The following CUBN variants were observed in gnomAD, a reference collection of about 807,000 sequenced individuals.
The protein encoded by CUBN is cubilin.
Under a neutral mutation model 405.3 loss-of-function variants are expected in CUBN, and 282 were observed. That is an observed-to-expected ratio of 0.70 (90% CI 0.63 to 0.77). The LOEUF (loss-of-function observed/expected upper bound fraction) is 0.77, where lower values mean the gene tolerates loss of function less well. Ranked by LOEUF, CUBN falls within the 30% of genes least tolerant of loss-of-function variation. CUBN has a pLI of 0.00. For synonymous variants in CUBN, 1,684 were observed against 1,617.0 expected, an observed-to-expected ratio of 1.04 and a Z score of -0.99; for missense variants, 4,514 against 4,475.2, an observed-to-expected ratio of 1.01 and a Z score of -0.25.
chr10:17,084,333 G>C lies in CUBN; in HGVS notation c.2239C>G (p.Gln747Glu). 1 of 1,614,154 alleles carries C rather than the reference G, an allele frequency of 6.2e-7. No homozygotes were observed. Among genetic ancestry groups the C allele is most frequent in the Non-Finnish European group, 8.5e-7 (1 of 1,180,028 alleles). The stretch of plus-strand genomic sequence containing the variant: ...AGCTCCACGTGGGTGAAGTTGATTT[G>C]TATTTGTTCTCCCTGGGGCTGCTTC... ...MMKQPQGEQI[Q>E]INFTHVELQC... Residue 747 changes from glutamine (Q) to glutamate (E), a missense_variant, in exon 17 of 67, where the codon CAA becomes GAA. Physicochemically the swap from Gln to Glu is conservative, Grantham distance 29 (BLOSUM62 2). Coordinates refer to ENST00000377833, the MANE Select transcript of CUBN (RefSeq NM_001081.4).
intron 31 of CUBN, among the ~76,000 whole-genome samples, chr10:16,973,942 C>T (rs141885293): frequency 9.2e-5 from 14 of 152,224 alleles, no homozygotes; most frequent in Admixed American, 2.6e-4. Context: ...GACAGTGCCG[C>T]GATGAACACG....
At chr10:16,895,338 TACACACAC>T (rs150992845) in intron 54 of CUBN, among the ~76,000 whole-genome samples, 4 of 148,968 alleles carry the variant, frequency 2.7e-5, no homozygotes, top group East Asian at 2.0e-4. Context: ...TATATATTTA[TACACACAC>T]ACACACACAC....
intron 38 of CUBN, 115 bp from the exon 39 acceptor site, chr10:16,937,899 A>T: frequency 1.1e-6 from 1 of 888,494 alleles, no homozygotes; most frequent in Non-Finnish European, 1.7e-6. Flanking sequence ...AAAAAATGAC[A>T]AATGAGTAAA....
Position 16,864,948 on chromosome 10 carries a change from CT to C in CUBN, c.9454+4687del, listed in dbSNP as rs35045969. Reference sequence around the variant, plus strand: ...TACAGGCGTGAGCCACCATGCCCAGCTTTTTTTTTTTTTTTTTTTTTTTTTT... The same window carrying C: ...TACAGGCGTGAGCCACCATGCCCAGCTTTTTTTTTTTTTTTTTTTTTTTTT... On this transcript the variant is annotated intron_variant, in intron 59 of 66. Transcript: ENST00000377833. 1.1e-3 allele frequency among the ~76,000 whole-genome samples: 55 copies of C among 50,052 alleles called. 1 individual carries two copies. Among genetic ancestry groups the C allele is most frequent in the African/African-American group, 4.0e-3 (38 of 9,464 alleles). 32.8% of individuals were successfully genotyped at this position (50,052 alleles called of 152,430 possible).
At chr10:17,107,812 T>C (rs941152556) in intron 10 of CUBN, among the ~76,000 whole-genome samples, 5 of 152,136 alleles carry the variant, frequency 3.3e-5, no homozygotes, top group Non-Finnish European at 7.4e-5. Flanking sequence ...ACAAGTTTTG[T>C]TATGTTCTCA....
At chr10:16,944,342 G>T (rs1456374714) in intron 36 of CUBN, among the ~76,000 whole-genome samples, 2 of 152,060 alleles carry the variant, frequency 1.3e-5, no homozygotes, top group African/African-American at 2.4e-5. Context: ...GGTAATAAAT[G>T]GTTAAATATA....
intron 21 of CUBN, among the ~76,000 whole-genome samples, chr10:17,067,598 G>A (rs1175683175): frequency 6.6e-6 from 1 of 152,070 alleles, no homozygotes; most frequent in African/African-American, 2.4e-5. Flanking sequence ...AGAACCAGTG[G>A]CCAAGAATGT....
intron 27 of CUBN, among the ~76,000 whole-genome samples, chr10:17,026,195 T>C (rs1470421201): frequency 6.6e-6 from 1 of 152,144 alleles, no homozygotes; most frequent in Non-Finnish European, 1.5e-5. Flanking sequence ...TGGAGAGGCC[T>C]CATTAGGGTG....
In CUBN at chr10:16,888,565, T is replaced by A; in HGVS notation, c.8757A>T (p.Arg2919=). ...AAGGGCCAGTGAAATTACTTCCACA[T>A]CCTATGTGGGAACAAAAAGTCATCA... ...AQGFSASFVS[R]CGSNFTGPSG... The change falls in exon 56 of 67, where the codon CGA becomes CGT. Residue 2919 remains arginine, a splice_region_variant and synonymous_variant. Transcript: ENST00000377833. The A allele has an allele frequency of 6.2e-7, 1 of 1,613,396 alleles. No homozygotes were observed. Among genetic ancestry groups the A allele is most frequent in the Non-Finnish European group, 8.5e-7 (1 of 1,179,496 alleles).
At chr10:16,950,631 T>G (rs1842900810) in intron 33 of CUBN, among the ~76,000 whole-genome samples, 1 of 152,180 alleles carries the variant, frequency 6.6e-6, no homozygotes. Flanking sequence ...TCCTAGATGG[T>G]TTCCTTTGAA....
At chr10:16,988,042 C>T (rs1274802651) in intron 29 of CUBN, among the ~76,000 whole-genome samples, 1 of 152,130 alleles carries the variant, frequency 6.6e-6, no homozygotes, top group African/African-American at 2.4e-5. Flanking sequence ...CCTTGAAAGC[C>T]GCTTCTGCCT....
intron 50 of CUBN, 95 bp from the exon 51 acceptor site, chr10:16,904,210 G>GAC (rs1841493039): frequency 8.7e-7 from 1 of 1,153,848 alleles, no homozygotes. Flanking sequence ...GATATTCATT[G>GAC]ACACACACTT....
intron 14 of CUBN, among the ~76,000 whole-genome samples, chr10:17,096,830 A>G (rs756493491): frequency 1.3e-5 from 2 of 152,136 alleles, no homozygotes; most frequent in African/African-American, 2.4e-5. Context: ...TAAACAGTAT[A>G]ATTTTAATAA....
chr10:16,989,080 G>A (rs1025366659), intron 29 of CUBN, among the ~76,000 whole-genome samples: 1 of 152,092 alleles, frequency 6.6e-6, no homozygotes, highest in Non-Finnish European at 1.5e-5. Context: ...GTGGAGCTGG[G>A]AATATAGCAG....
chr10:16,914,368 G>C (rs1302511721), intron 47 of CUBN, among the ~76,000 whole-genome samples: 2 of 152,112 alleles, frequency 1.3e-5, no homozygotes, highest in African/African-American at 4.8e-5. Context: ...AGACCAGCCT[G>C]ACCAACATGG....
chr10:16,990,355 C>T lies in CUBN; in HGVS notation c.4329G>A (p.Arg1443=), dbSNP rs370016418. 4.3e-6 allele frequency: 7 copies of T among 1,614,082 alleles called. No individual in the cohort carries two copies. The highest frequency in any genetic ancestry group is 1.7e-5 in the Admixed American group (1 of 60,006). The change falls in exon 29 of 67, where the codon AGG becomes AGA. Residue 1443 remains arginine, a synonymous_variant. Transcript: ENST00000377833. ...CTACCTCCAAGACATCAAAGTTGCA[C>T]CTTGAATGATACTCCACATCGAAGT... ...IHDFDVEYHS[R]CNFDVLEIYG... is the part of the protein sequence containing the mutation.
At position 16,824,813 on chromosome 10, in the gene CUBN, C is replaced by T. The variant is rs558891678; in HGVS notation, c.*162G>A. On this transcript the variant is annotated 3_prime_UTR_variant, in exon 67 of 67. Transcript: ENST00000377833. ...GAGAATACAGGGGGGTGAGCCACCA[C>T]GCCTGGCCTACAAATATTGATTCTA... 94 of 656,944 alleles carry T rather than the reference C, an allele frequency of 1.4e-4. No homozygotes were observed. Among genetic ancestry groups the T allele is most frequent in the Middle Eastern group, 9.7e-4 (3 of 3,094 alleles). 40.7% of individuals were successfully genotyped at this position (656,944 alleles called of 1,614,324 possible). A position where few individuals can be genotyped will look rare whatever the true frequency, so the allele number is the denominator to read the frequency against.
At chr10:17,007,317 C>G (rs1369353173) in intron 28 of CUBN, among the ~76,000 whole-genome samples, 1 of 151,982 alleles carries the variant, frequency 6.6e-6, no homozygotes, top group Non-Finnish European at 1.5e-5. Context: ...AGGGTGGGGC[C>G]CTCTTTGAGG....
At chr10:17,073,080 T>C (rs1835776291) in intron 17 of CUBN, among the ~76,000 whole-genome samples, 2 of 152,138 alleles carry the variant, frequency 1.3e-5, no homozygotes, top group Admixed American at 6.5e-5. Context: ...TCCTCAAACA[T>C]AGAATAATTT....
Sources: gnomAD v4.1 joint callset for allele counts (sites outside exome capture counted in the v4.1 genomes callset) on GRCh38, gnomAD v4.1.1 for gene constraint, MANE v1.5 for transcripts, NCBI Gene and HGNC (gene_info 2026-07-23, HGNC 2026-07-21) for gene names.